Variants in NCOR1 observed in about 807,000 individuals in gnomAD.
NCOR1 encodes protein phosphatase 1, regulatory subunit 109.
NCOR1 carries 63 observed loss-of-function variants against 288.1 expected under a neutral mutation model. The ratio of observed to expected loss-of-function variants is 0.22; its 90% confidence interval spans 0.18 to 0.27. The LOEUF is 0.27. Ranked by LOEUF, NCOR1 falls within the 10% of genes least tolerant of loss-of-function variation. NCOR1 has a pLI of 1.00. For synonymous variants in NCOR1, 1,007 were observed against 1,065.9 expected, an observed-to-expected ratio of 0.94 and a Z score of 1.08; for missense variants, 2,397 against 3,019.2, an observed-to-expected ratio of 0.79 and a Z score of 4.83.
chr17:16,171,518 C>A (rs898109641), intron 4 of NCOR1, among the ~76,000 whole-genome samples: 1 of 152,104 alleles, frequency 6.6e-6, no homozygotes, highest in Non-Finnish European at 1.5e-5. Flanking sequence ...TTATAGCCAG[C>A]AAGCCAGTAA....
Position 16,215,455 on chromosome 17 carries a change from G to C in NCOR1, c.-164C>G. 2.5e-6 allele frequency: 1 copy of C among 397,808 alleles called. No individual in the cohort carries two copies. The highest frequency in any genetic ancestry group is 4.4e-6 in the Non-Finnish European group (1 of 225,532). 24.6% of individuals were successfully genotyped at this position (397,808 alleles called of 1,614,324 possible). A position where few individuals can be genotyped will look rare whatever the true frequency, so the allele number is the denominator to read the frequency against. ...CGGCCCTACACCGGGACCTCGTTCG[G>C]CGCGGCGAGTCGGACGCTCACTCCA... On this transcript the variant is annotated 5_prime_UTR_variant, in exon 1 of 46. Transcript: ENST00000268712.
At chr17:16,038,160 TAAACTA>T (rs1437376279) in intron 44 of NCOR1, among the ~76,000 whole-genome samples, 1 of 151,734 alleles carries the variant, frequency 6.6e-6, no homozygotes, top group Non-Finnish European at 1.5e-5. Flanking sequence ...AAAATAAATC[TAAACTA>T]AAACAGAAAT....
intron 4 of NCOR1, among the ~76,000 whole-genome samples, chr17:16,169,354 A>C (rs1464754559): frequency 6.6e-6 from 1 of 152,242 alleles, no homozygotes; most frequent in Non-Finnish European, 1.5e-5. Flanking sequence ...AATCAACATG[A>C]AAATGTTAAT....
chr17:16,168,483 G>C (rs1275202564), intron 4 of NCOR1, among the ~76,000 whole-genome samples: 2 of 151,974 alleles, frequency 1.3e-5, no homozygotes, highest in Non-Finnish European at 2.9e-5. Context: ...TTACAGGCGT[G>C]AGCCACCGCG....
chr17:16,044,374 G>A, intron 42 of NCOR1: 1 of 470,936 alleles, frequency 2.1e-6, no homozygotes, highest in African/African-American at 2.0e-5. Flanking sequence ...TCACAAGAGT[G>A]ACACAGATCT....
At chr17:16,106,863 ATATATATATATATATATATATTTTTTT>A (rs1387276766) in intron 19 of NCOR1, among the ~76,000 whole-genome samples, 2 of 40,616 alleles carry the variant, frequency 4.9e-5, no homozygotes, top group African/African-American at 2.7e-4. Flanking sequence ...ACATATATAT[ATATATATATATATATATATATTTTTTT>A]TTTTTTTTTT....
At chr17:16,112,485 G>C (rs2070478924) in intron 18 of NCOR1, among the ~76,000 whole-genome samples, 1 of 152,074 alleles carries the variant, frequency 6.6e-6, no homozygotes, top group Non-Finnish European at 1.5e-5. Context: ...AGTATTAAAG[G>C]CCGCAGAGAA....
At chr17:16,147,788 T>C (rs2078218606) in intron 9 of NCOR1, among the ~76,000 whole-genome samples, 1 of 152,084 alleles carries the variant, frequency 6.6e-6, no homozygotes, top group Admixed American at 6.5e-5. Context: ...AAACAATAGC[T>C]CCCATGCATT....
At chr17:16,213,807 G>A (rs1213051575) in intron 1 of NCOR1, among the ~76,000 whole-genome samples, 2 of 152,164 alleles carry the variant, frequency 1.3e-5, no homozygotes, top group Admixed American at 1.3e-4. Context: ...AAATCACATA[G>A]TTAGAGCAAG....
At chr17:16,072,002 G>A (rs1418368572) in intron 29 of NCOR1, 143 bp downstream of exon 29, 1 of 640,094 alleles carries the variant, frequency 1.6e-6, no homozygotes, top group African/African-American at 1.8e-5. Context: ...ATGTAGCTCA[G>A]AGGCAGAAAA....
At chr17:16,070,049 G>A (rs2152717859) in intron 31 of NCOR1, 116 bp downstream of exon 31, 3 of 1,322,470 alleles carry the variant, frequency 2.3e-6, no homozygotes, top group Non-Finnish European at 3.1e-6. Flanking sequence ...AGCAAGACCT[G>A]TAGATCTTGG....
chr17:16,199,969 AT>A (rs2090537255), intron 1 of NCOR1, among the ~76,000 whole-genome samples: 2 of 152,208 alleles, frequency 1.3e-5, no homozygotes, highest in South Asian at 4.1e-4. Context: ...GCAAAATGAA[AT>A]TGATCTATTT....
In NCOR1 at chr17:16,171,829, G is replaced by T. The variant is rs185231043; in HGVS notation, c.409C>A (p.Leu137Met). The T allele has an allele frequency of 1.2e-6, 2 of 1,608,624 alleles. No homozygotes were observed. The highest frequency in any genetic ancestry group is 1.7e-6 in the Non-Finnish European group (2 of 1,177,894). Residue 137 changes from leucine (L) to methionine (M), a missense_variant, in exon 4 of 46, where the codon CTG becomes ATG. Coordinates refer to ENST00000268712, the MANE Select transcript of NCOR1 (RefSeq NM_006311.4). ...TTCTTAGCATCTGCAGAAGCCCTCA[G>T]CCCTTCTGGCAGCGGGTGCACTAAA... ...LPLVHPLPEG[L>M]RASADAKKDP...
chr17:16,102,810 T>C lies in NCOR1; in HGVS notation c.2183-1053A>G, dbSNP rs1181432557. ...GGTTTCACCATGTTGCCCAGGCTGGTCTTGAACTCCTGACGTCAGGTGATC... is the reference window on the plus strand; with the variant it reads ...GGTTTCACCATGTTGCCCAGGCTGGCCTTGAACTCCTGACGTCAGGTGATC... On this transcript the variant is annotated intron_variant, in intron 19 of 45. Coordinates refer to ENST00000268712, the MANE Select transcript of NCOR1 (RefSeq NM_006311.4). 2.0e-5 allele frequency among the ~76,000 whole-genome samples: 3 copies of C among 152,130 alleles called. No homozygotes were observed. The East Asian group carries it at 5.8e-4, about 29-fold the overall frequency.
At chr17:16,064,493 C>T (rs923127654) in intron 34 of NCOR1, among the ~76,000 whole-genome samples, 1 of 151,970 alleles carries the variant, frequency 6.6e-6, no homozygotes, top group Non-Finnish European at 1.5e-5. Context: ...ATCCCAGCTA[C>T]TCCAGAGGCT....
chr17:16,201,816 G>A (rs571504456), intron 1 of NCOR1, among the ~76,000 whole-genome samples: 72 of 151,546 alleles, frequency 4.8e-4, no homozygotes, highest in African/African-American at 1.6e-3. Flanking sequence ...CCAGCCAAGC[G>A]CGGTGGCTCA....
At chr17:16,092,390 CA>C (rs1181069204) in intron 21 of NCOR1, among the ~76,000 whole-genome samples, 3 of 151,704 alleles carry the variant, frequency 2.0e-5, no homozygotes, top group Non-Finnish European at 2.9e-5. Context: ...GGGAGGCTGA[CA>C]CATGAGAATC....
At position 16,146,451 on chromosome 17, in the gene NCOR1, C is replaced by T; in HGVS notation, c.1007G>A (p.Ser336Asn). Residue 336 changes from serine (S) to asparagine (N), a missense_variant, in exon 10 of 46, where the codon AGC (serine) becomes AAC (asparagine). By Grantham distance (46) the Ser-to-Asn change is conservative (BLOSUM62 1). Around this residue, in one of 11 missense-constraint regions of NCOR1, gnomAD observed 51 missense variants for 127.6 expected, o/e 0.40. Transcript: ENST00000268712. ...CTTTTCATAGTATTCCCTTGTTTTG[C>T]TTTCTTTAGCTTTCCTCCGAGGATT... ...ENNPRRKAKE[S>N]KTREYYEKQF... 1 of 1,613,494 alleles carries T rather than the reference C, an allele frequency of 6.2e-7. No homozygotes were observed. The highest frequency in any genetic ancestry group is 8.5e-7 in the Non-Finnish European group (1 of 1,179,746).
At chr17:16,032,515 A>T in intron 45 of NCOR1, 32 bp from the exon 46 acceptor site, 1 of 1,547,358 alleles carries the variant, frequency 6.5e-7, no homozygotes, top group South Asian at 1.2e-5. Flanking sequence ...TTTCATTGTC[A>T]TGAACATAAC....
Sources: allele counts gnomAD v4.1 joint callset (sites outside exome capture counted in the v4.1 genomes callset), GRCh38; gene constraint gnomAD v4.1.1; regional missense constraint gnomAD v4.1.1; transcripts MANE v1.5; gene names NCBI Gene and HGNC (gene_info 2026-07-23, HGNC 2026-07-21).